The following ERBB4 variants were observed in gnomAD, a reference collection of about 807,000 sequenced individuals.
ERBB4 encodes receptor tyrosine-protein kinase erbB-4.
In ERBB4, 42 loss-of-function variants were observed where a neutral mutation model predicts 158.0. The observed-to-expected ratio is 0.27, with a 90% CI of 0.21 to 0.34. ERBB4 has a LOEUF of 0.34. ERBB4 is among the 10% of genes least tolerant of loss of function. The pLI, the probability that ERBB4 is intolerant of heterozygous loss-of-function variation, is 1.00. For missense variants in ERBB4, 1,333 were observed against 1,624.1 expected (o/e 0.82, Z 3.08); for synonymous variants, 583 against 558.7 (o/e 1.04, Z -0.61).
intron 7 of ERBB4, among the ~76,000 whole-genome samples, chr2:211,714,399 A>T (rs1419956311): frequency 2.0e-5 from 3 of 152,208 alleles, no homozygotes; most frequent in Admixed American, 6.5e-5. Flanking sequence ...TTGTTCTGGC[A>T]CAATATGCAA....
intron 1 of ERBB4, among the ~76,000 whole-genome samples, chr2:212,432,314 A>G (rs919518751): frequency 6.6e-6 from 1 of 152,202 alleles, no homozygotes; most frequent in Non-Finnish European, 1.5e-5. Flanking sequence ...AGAGTGTAAT[A>G]TTAAAAAACA....
At chr2:211,935,048 T>C (rs1007620786) in intron 3 of ERBB4, among the ~76,000 whole-genome samples, 1 of 152,042 alleles carries the variant, frequency 6.6e-6, no homozygotes, top group African/African-American at 2.4e-5. Context: ...TGATCCCCTT[T>C]CTTCTCAGAA....
chr2:211,772,982 C>A (rs2075755813), intron 4 of ERBB4, among the ~76,000 whole-genome samples: 1 of 132,252 alleles, frequency 7.6e-6, no homozygotes, highest in Non-Finnish European at 1.6e-5. Context: ...TGGGGTCCTA[C>A]TCTGTTGCCC....
intron 2 of ERBB4, among the ~76,000 whole-genome samples, chr2:212,021,116 T>C (rs2076639471): frequency 2.0e-5 from 3 of 152,186 alleles, no homozygotes; most frequent in Non-Finnish European, 2.9e-5. Context: ...GAATATTTTA[T>C]TCCTGATAGA....
chr2:212,334,566 G>A (rs1387058479), intron 1 of ERBB4, among the ~76,000 whole-genome samples: 1 of 151,908 alleles, frequency 6.6e-6, no homozygotes, highest in African/African-American at 2.4e-5. Flanking sequence ...AGCTAATATA[G>A]AATTTATTTT....
chr2:211,486,755 C>T (rs908795912), intron 20 of ERBB4, among the ~76,000 whole-genome samples: 7 of 152,046 alleles, frequency 4.6e-5, no homozygotes, highest in Non-Finnish European at 1.0e-4. Context: ...GTGATGTTAG[C>T]ACCCAAATCA....
chr2:211,962,436 C>T (rs561071979), intron 2 of ERBB4, among the ~76,000 whole-genome samples: 1 of 152,186 alleles, frequency 6.6e-6, no homozygotes, highest in Non-Finnish European at 1.5e-5. Flanking sequence ...TAGTGTTGTT[C>T]ACAGGTCTAA....
At chr2:212,305,479 C>T (rs1034445420) in intron 1 of ERBB4, among the ~76,000 whole-genome samples, 1 of 151,202 alleles carries the variant, frequency 6.6e-6, no homozygotes, top group East Asian at 2.0e-4. Context: ...TCTGTTTCTA[C>T]TACCTATATG....
intron 20 of ERBB4, among the ~76,000 whole-genome samples, chr2:211,546,309 A>G (rs2066937790): frequency 6.6e-6 from 1 of 152,138 alleles, no homozygotes; most frequent in South Asian, 2.1e-4. Flanking sequence ...AAAATAATAC[A>G]TATGCATACA....
intron 3 of ERBB4, among the ~76,000 whole-genome samples, chr2:211,845,782 G>C (rs1358077560): frequency 6.6e-6 from 1 of 152,082 alleles, no homozygotes; most frequent in African/African-American, 2.4e-5. Flanking sequence ...ATTACAACTT[G>C]TTCAATCTTA....
intron 1 of ERBB4, among the ~76,000 whole-genome samples, chr2:212,441,025 T>C (rs1345300550): frequency 1.3e-5 from 2 of 152,140 alleles, no homozygotes; most frequent in Non-Finnish European, 2.9e-5. Flanking sequence ...AGACATGCTA[T>C]CATGTGAGTG....
intron 1 of ERBB4, among the ~76,000 whole-genome samples, chr2:212,307,530 T>C (rs2086854907): frequency 6.6e-6 from 1 of 151,162 alleles, no homozygotes. Flanking sequence ...AATATTAGAT[T>C]GCTGTTCTGA....
At chr2:211,433,099 G>A (rs2063777480) in intron 20 of ERBB4, among the ~76,000 whole-genome samples, 1 of 152,160 alleles carries the variant, frequency 6.6e-6, no homozygotes, top group East Asian at 1.9e-4. Flanking sequence ...CAGTACCATG[G>A]CGTACTTGCA....
rs116547335 is a variant in ERBB4, at chr2:212,404,583, G to A, written c.82+133866C>T. Among the ~76,000 whole-genome samples the A allele has an allele frequency of 9.6e-3, 1,456 of 152,008 alleles. 22 individuals are homozygous for A. The highest frequency in any genetic ancestry group is 0.01 in the Non-Finnish European group (708 of 67,834). ...ACATGTGAGTTATGGCATGTTAGAG[G>A]ATGACAAGTAAAAGAAAATCAGCAG... On this transcript the variant is annotated intron_variant, in intron 1 of 27. Transcript: ENST00000342788.
At chr2:211,669,420 A>AT (rs1441694375) in intron 14 of ERBB4, among the ~76,000 whole-genome samples, 3 of 151,660 alleles carry the variant, frequency 2.0e-5, no homozygotes, top group African/African-American at 4.8e-5. Flanking sequence ...TTCCCTTACT[A>AT]TTTTTTCTCT....
intron 1 of ERBB4, among the ~76,000 whole-genome samples, chr2:212,191,955 A>G (rs975662114): frequency 5.3e-5 from 6 of 113,010 alleles, no homozygotes; most frequent in African/African-American, 1.8e-4. Flanking sequence ...TATGTTATAT[A>G]TGTTATATAT....
At position 211,383,556 on chromosome 2, in the gene ERBB4, G is replaced by C. The variant is rs554806031; in HGVS notation, c.*59C>G. ...TAGAAGGAAGACCACCAGAGAAAGAGAGGGGGGTGGGGAAATTGGAGCAGG... is the reference window on the plus strand; with the variant it reads ...TAGAAGGAAGACCACCAGAGAAAGACAGGGGGGTGGGGAAATTGGAGCAGG... On this transcript the variant is annotated 3_prime_UTR_variant, in exon 28 of 28. Coordinates refer to ENST00000342788, the MANE Select transcript of ERBB4 (RefSeq NM_005235.3). The C allele has an allele frequency of 3.5e-3, 4,905 of 1,420,774 alleles. 28 individuals carry two copies. Among genetic ancestry groups the C allele is most frequent in the Non-Finnish European group, 3.8e-3 (3,803 of 1,006,776 alleles). 88.0% of individuals were successfully genotyped at this position (1,420,774 alleles called of 1,614,324 possible). A position where few individuals can be genotyped will look rare whatever the true frequency, so the allele number is the denominator to read the frequency against.
chr2:211,969,505 T>C (rs757517195), intron 2 of ERBB4, among the ~76,000 whole-genome samples: 1 of 152,040 alleles, frequency 6.6e-6, no homozygotes, highest in Non-Finnish European at 1.5e-5. Context: ...CTTTACCGTA[T>C]TTATAAAGTT....
intron 1 of ERBB4, among the ~76,000 whole-genome samples, chr2:212,259,177 T>C (rs2084845694): frequency 6.6e-6 from 1 of 152,204 alleles, no homozygotes; most frequent in African/African-American, 2.4e-5. Flanking sequence ...GTCAATATTT[T>C]CTTTAGTATT....
Sources: gnomAD v4.1 joint callset for allele counts (sites outside exome capture counted in the v4.1 genomes callset) on GRCh38, gnomAD v4.1.1 for gene constraint, MANE v1.5 for transcripts, NCBI Gene and HGNC (gene_info 2026-07-23, HGNC 2026-07-21) for gene names.